ADAM22: variants seen among roughly 807,000 people sequenced by gnomAD.
The protein encoded by ADAM22 is disintegrin and metalloproteinase domain-containing protein 22.
Under a neutral mutation model 144.6 loss-of-function variants are expected in ADAM22, and 65 were observed. The ratio of observed to expected loss-of-function variants is 0.45; its 90% CI spans 0.37 to 0.55. The LOEUF (loss-of-function observed/expected upper bound fraction) is 0.55, where lower values mean the gene tolerates loss of function less well. Ranked by LOEUF, ADAM22 falls within the 20% of genes least tolerant of loss-of-function variation. The probability of loss-of-function intolerance (pLI) is 0.00; values close to 1 mark genes in which losing one functional copy is unlikely to be tolerated. For synonymous variants in ADAM22, 391 were observed against 412.6 expected, an observed-to-expected ratio of 0.95 and a Z score of 0.63; for missense variants, 974 against 1,184.9, an observed-to-expected ratio of 0.82 and a Z score of 2.61.
chr7:87,947,229 G>A (rs1030436080), intron 2 of ADAM22, among the ~76,000 whole-genome samples: 2 of 150,780 alleles, frequency 1.3e-5, no homozygotes, highest in African/African-American at 4.9e-5. Context: ...ATAAAAAAAA[G>A]ATTATGAAAG....
chr7:87,982,108 C>CACACAT (rs764153795), intron 3 of ADAM22, among the ~76,000 whole-genome samples: 1 of 125,140 alleles, frequency 8.0e-6, no homozygotes, highest in African/African-American at 3.8e-5. Flanking sequence ...CACACACACA[C>CACACAT]ATGCATACAC....
At chr7:88,186,222 T>G (rs1848281120) in intron 29 of ADAM22, 1 of 225,950 alleles carries the variant, frequency 4.4e-6, no homozygotes, top group East Asian at 1.6e-4. Flanking sequence ...TGCAGCCATC[T>G]GAGTATTTTC....
intron 4 of ADAM22, among the ~76,000 whole-genome samples, chr7:88,099,948 C>T (rs1487589451): frequency 6.6e-6 from 1 of 151,938 alleles, no homozygotes; most frequent in Non-Finnish European, 1.5e-5. Flanking sequence ...ACCACTAATG[C>T]AATATGGCAC....
At chr7:87,980,679 T>C (rs1219078903) in intron 3 of ADAM22, among the ~76,000 whole-genome samples, 1 of 152,184 alleles carries the variant, frequency 6.6e-6, no homozygotes, top group Non-Finnish European at 1.5e-5. Context: ...AATAAAATTA[T>C]CTATAAGTAG....
intron 3 of ADAM22, among the ~76,000 whole-genome samples, chr7:88,035,134 A>G (rs1337898675): frequency 6.6e-6 from 1 of 151,844 alleles, no homozygotes; most frequent in Non-Finnish European, 1.5e-5. Context: ...TCTTGATTCT[A>G]CTTGAGTTTG....
intron 2 of ADAM22, among the ~76,000 whole-genome samples, chr7:87,972,122 A>G (rs1850610517): frequency 6.6e-6 from 1 of 152,182 alleles, no homozygotes; most frequent in South Asian, 2.1e-4. Context: ...GTATTCAATT[A>G]GGAAAAGAGG....
At chr7:88,048,180 T>A (rs1330111320) in intron 3 of ADAM22, among the ~76,000 whole-genome samples, 1 of 152,138 alleles carries the variant, frequency 6.6e-6, no homozygotes, top group African/African-American at 2.4e-5. Flanking sequence ...AATTTTTACG[T>A]TTCATAAGTA....
At chr7:88,186,494 G>A (rs1425136668) in intron 29 of ADAM22, 121 bp from the exon 30 acceptor site, 1 of 752,670 alleles carries the variant, frequency 1.3e-6, no homozygotes, top group Middle Eastern at 2.3e-4. Flanking sequence ...ATCCATTCTG[G>A]TTTATTTGCC....
At chr7:87,947,339 G>A (rs753011343) in intron 2 of ADAM22, among the ~76,000 whole-genome samples, 19 of 151,902 alleles carry the variant, frequency 1.3e-4, no homozygotes, top group Non-Finnish European at 1.5e-4. Context: ...TTATTTCCTC[G>A]TGAAAGTACC....
chr7:88,114,548 G>A (rs752954692), intron 5 of ADAM22, 36 bp from the exon 6 acceptor site: 4 of 1,598,588 alleles, frequency 2.5e-6, no homozygotes, highest in Non-Finnish European at 2.6e-6. Context: ...GATGAGAGTC[G>A]ATGGCCATGC....
chr7:88,007,026 CTTAAG>C (rs1188452072), intron 3 of ADAM22, among the ~76,000 whole-genome samples: 5 of 152,152 alleles, frequency 3.3e-5, no homozygotes, highest in Admixed American at 6.5e-5. Context: ...CCAAAATCTC[CTTAAG>C]TTGTTAAGCA....
At chr7:88,050,613 T>A (rs868663567) in intron 3 of ADAM22, among the ~76,000 whole-genome samples, 1 of 152,226 alleles carries the variant, frequency 6.6e-6, no homozygotes, top group Non-Finnish European at 1.5e-5. Flanking sequence ...TGGCCAGTGA[T>A]GATGAGCATT....
In ADAM22 at chr7:87,934,335, G is replaced by T; in HGVS notation, c.-131G>T. 1.3e-6 allele frequency: 1 copy of T among 763,016 alleles called. No individual in the cohort carries two copies. The highest frequency in any genetic ancestry group is 2.0e-6 in the Non-Finnish European group (1 of 504,034). 47.3% of individuals were successfully genotyped at this position (763,016 alleles called of 1,614,324 possible). On this transcript the variant is annotated 5_prime_UTR_variant, in exon 1 of 32. Transcript: ENST00000413139. ...CGGTGGAGGTTGCAGCGCCACGGCC[G>T]CCGCAGCACCGGCCGGGGCTGGGTG...
At chr7:88,169,418 C>T (rs1417468779) in intron 25 of ADAM22, among the ~76,000 whole-genome samples, 1 of 152,000 alleles carries the variant, frequency 6.6e-6, no homozygotes. Context: ...TCCACAAATT[C>T]TTGTATCATT....
Position 88,076,320 on chromosome 7 carries a change from G to A in ADAM22, c.390+628G>A, listed in dbSNP as rs553271376. 8.5e-5 allele frequency among the ~76,000 whole-genome samples: 13 copies of A among 152,336 alleles called. No individual in the cohort carries two copies. The South Asian group carries it at 2.3e-3, about 27-fold the overall frequency. On this transcript the variant is annotated intron_variant, in intron 4 of 31. Coordinates refer to ENST00000413139, the MANE Select transcript of ADAM22 (RefSeq NM_001324418.2). ...CCCAAAGTGCTGGGATTACAGGCAT[G>A]AGCCAACGCGCCTGGGAAACCCCAG...
At chr7:87,944,178 C>T (rs987060314) in intron 2 of ADAM22, among the ~76,000 whole-genome samples, 3 of 149,902 alleles carry the variant, frequency 2.0e-5, no homozygotes, top group East Asian at 3.9e-4. Context: ...AGGTTTGTTT[C>T]GGAGGAATTG....
intron 8 of ADAM22, 87 bp downstream of exon 8, chr7:88,125,746 G>A: frequency 9.0e-7 from 1 of 1,115,436 alleles, no homozygotes; most frequent in South Asian, 1.7e-5. Flanking sequence ...TGTGTGAGAG[G>A]GTGAGTATTA....
At chr7:88,036,982 A>G (rs1373770351) in intron 3 of ADAM22, among the ~76,000 whole-genome samples, 1 of 152,120 alleles carries the variant, frequency 6.6e-6, no homozygotes, top group East Asian at 1.9e-4. Context: ...AACATCTGTC[A>G]TAAACATTTC....
chr7:88,120,990 C>T lies in ADAM22; in HGVS notation c.607+4176C>T, dbSNP rs532273940. ...TTTTATTATTTTGTATGTGGATACA[C>T]AATTATTTTAATACCATTTGTTGAA... On this transcript the variant is annotated intron_variant, in intron 7 of 31. Coordinates refer to ENST00000413139, the MANE Select transcript of ADAM22 (RefSeq NM_001324418.2). Among the ~76,000 whole-genome samples, 7 of 152,082 alleles carry T rather than the reference C, an allele frequency of 4.6e-5. No individual in the cohort carries two copies. In the East Asian group the frequency reaches 1.3e-3, roughly 29 times the overall value.
Sources: allele counts gnomAD v4.1 joint callset (sites outside exome capture counted in the v4.1 genomes callset), GRCh38; gene constraint gnomAD v4.1.1; transcripts MANE v1.5; gene names NCBI Gene and HGNC (gene_info 2026-07-23, HGNC 2026-07-21).